The following EXOC6B variants were observed in gnomAD, a reference collection of about 807,000 sequenced individuals.
The protein encoded by EXOC6B is exocyst complex component 6B.
Under a neutral mutation model 113.5 loss-of-function variants are expected in EXOC6B, and 54 were observed. That is an observed-to-expected ratio of 0.48 (90% CI 0.38 to 0.60). EXOC6B has a LOEUF of 0.60. EXOC6B is among the 20% of genes least tolerant of loss of function. The pLI, the probability that EXOC6B is intolerant of heterozygous loss-of-function variation, is 0.00. For missense variants in EXOC6B, 797 were observed against 977.5 expected (o/e 0.82, Z 2.46); for synonymous variants, 357 against 339.0 (o/e 1.05, Z -0.58).
intron 20 of EXOC6B, among the ~76,000 whole-genome samples, chr2:72,251,029 T>C (rs949689995): frequency 1.3e-5 from 2 of 151,642 alleles, no homozygotes; most frequent in Non-Finnish European, 2.9e-5. Flanking sequence ...GGTCTCACTA[T>C]GTTGCCCAGG....
chr2:72,183,756 C>A (rs537792936), intron 21 of EXOC6B, among the ~76,000 whole-genome samples: 3 of 150,530 alleles, frequency 2.0e-5, no homozygotes, highest in East Asian at 1.9e-4. Flanking sequence ...AGCCCCAAAC[C>A]GAGCCATTTT....
chr2:72,444,476 TG>T (rs1696441112), intron 18 of EXOC6B, among the ~76,000 whole-genome samples: 1 of 152,180 alleles, frequency 6.6e-6, no homozygotes. Flanking sequence ...GGACTCTGTG[TG>T]GGGACTCCCA....
intron 19 of EXOC6B, among the ~76,000 whole-genome samples, chr2:72,358,216 T>C (rs533516827): frequency 3.2e-4 from 48 of 152,306 alleles, no homozygotes; most frequent in Non-Finnish European, 6.3e-4. Flanking sequence ...ATGCATTATC[T>C]CATTTAATAC....
chr2:72,785,764 C>G (rs1161212289), intron 1 of EXOC6B, among the ~76,000 whole-genome samples: 1 of 152,278 alleles, frequency 6.6e-6, no homozygotes, highest in Non-Finnish European at 1.5e-5. Flanking sequence ...GAGGGGCTGC[C>G]TGGAGACATT....
Position 72,456,084 on chromosome 2 carries a change from A to G in EXOC6B, c.1980+9076T>C, listed in dbSNP as rs563887172. ...AAAATAGTGACTGTCCGTATATCAT[A>G]GAGGTTGCCCTTTTGAAAAAAGAAA... is the stretch of plus-strand genomic sequence containing the variant. On this transcript the variant is annotated intron_variant, in intron 18 of 21. Transcript: ENST00000272427. Among the ~76,000 whole-genome samples, 3 of 152,262 alleles carry G rather than the reference A, an allele frequency of 2.0e-5. No homozygotes were observed. The South Asian group carries it at 6.2e-4, about 32-fold the overall frequency.
At chr2:72,201,250 C>T (rs41389) in intron 20 of EXOC6B, among the ~76,000 whole-genome samples, 55,283 of 151,856 alleles carry the variant, frequency 0.36, 12,056 homozygotes, top group African/African-American at 0.6. Context: ...TTTTCCACCG[C>T]AGAAGTATAC....
intron 6 of EXOC6B, among the ~76,000 whole-genome samples, chr2:72,588,846 G>A (rs377147096): frequency 9.0e-4 from 137 of 152,130 alleles, no homozygotes; most frequent in African/African-American, 3.2e-3. Context: ...CAATTTGTGT[G>A]AAGCAATAAT....
chr2:72,732,143 A>AT (rs1003996882), intron 3 of EXOC6B, among the ~76,000 whole-genome samples: 125 of 152,038 alleles, frequency 8.2e-4, no homozygotes, highest in African/African-American at 2.9e-3. Flanking sequence ...AGAATCAATG[A>AT]TTTTTTTTAT....
At chr2:72,776,050 G>A (rs1683682548) in intron 1 of EXOC6B, among the ~76,000 whole-genome samples, 1 of 152,064 alleles carries the variant, frequency 6.6e-6, no homozygotes, top group African/African-American at 2.4e-5. Context: ...CTTATAAATT[G>A]CATCACTATA....
chr2:72,362,754 C>A (rs1330778728), intron 19 of EXOC6B, among the ~76,000 whole-genome samples: 1 of 152,078 alleles, frequency 6.6e-6, no homozygotes, highest in Non-Finnish European at 1.5e-5. Context: ...TCCAAAAATA[C>A]AAATCTAATA....
chr2:72,513,405 A>T (rs1268203203), intron 10 of EXOC6B, among the ~76,000 whole-genome samples, 153 bp from the exon 11 acceptor site: 1 of 152,146 alleles, frequency 6.6e-6, no homozygotes, highest in African/African-American at 2.4e-5. Context: ...AAATGAAATC[A>T]GACTACTTGG....
intron 20 of EXOC6B, among the ~76,000 whole-genome samples, chr2:72,236,448 T>A (rs1245642116): frequency 6.6e-6 from 1 of 152,208 alleles, no homozygotes; most frequent in Admixed American, 6.5e-5. Flanking sequence ...AATTTAGATT[T>A]CCAAAATCGC....
At chr2:72,543,872 T>A (rs539027990) in intron 8 of EXOC6B, among the ~76,000 whole-genome samples, 1 of 152,168 alleles carries the variant, frequency 6.6e-6, no homozygotes, top group South Asian at 2.1e-4. Flanking sequence ...AGACAACCTG[T>A]TAAGTGTCAG....
intron 19 of EXOC6B, among the ~76,000 whole-genome samples, chr2:72,348,738 A>G (rs1040581977): frequency 6.6e-6 from 1 of 152,174 alleles, no homozygotes; most frequent in Non-Finnish European, 1.5e-5. Context: ...TTATAAGTGT[A>G]CAATATAAAA....
intron 20 of EXOC6B, among the ~76,000 whole-genome samples, chr2:72,333,909 C>T (rs1468098028): frequency 1.3e-5 from 2 of 151,964 alleles, no homozygotes; most frequent in African/African-American, 2.4e-5. Context: ...CAGCATGAAT[C>T]GAATCACAGT....
chr2:72,670,847 T>C (rs1197801174), intron 6 of EXOC6B, among the ~76,000 whole-genome samples: 1 of 152,190 alleles, frequency 6.6e-6, no homozygotes, highest in Non-Finnish European at 1.5e-5. Flanking sequence ...CTTGGAGTTC[T>C]CTCTTCTCTA....
intron 18 of EXOC6B, among the ~76,000 whole-genome samples, chr2:72,457,485 G>C (rs1697312915): frequency 6.6e-6 from 1 of 152,040 alleles, no homozygotes; most frequent in Admixed American, 6.6e-5. Context: ...GAGAGATCTT[G>C]CCCTATGTCA....
chr2:72,499,254 A>C (rs1019357975), intron 12 of EXOC6B, among the ~76,000 whole-genome samples: 1 of 150,082 alleles, frequency 6.7e-6, no homozygotes, highest in African/African-American at 2.5e-5. Context: ...TTTTTAAGAC[A>C]GAGTTTCACC....
At chr2:72,632,144 G>T (rs1672511539) in intron 6 of EXOC6B, among the ~76,000 whole-genome samples, 1 of 152,068 alleles carries the variant, frequency 6.6e-6, no homozygotes, top group Non-Finnish European at 1.5e-5. Flanking sequence ...CAACAGAATA[G>T]AAGTATGAAC....
Sources: allele counts gnomAD v4.1 joint callset (sites outside exome capture counted in the v4.1 genomes callset), GRCh38; gene constraint gnomAD v4.1.1; transcripts MANE v1.5; gene names NCBI Gene and HGNC (gene_info 2026-07-23, HGNC 2026-07-21).